The following ZFHX3 variants were observed in gnomAD, a reference collection of about 807,000 sequenced individuals.
ZFHX3 encodes the protein zinc finger homeobox 3.
In ZFHX3, 42 loss-of-function variants were observed where a neutral mutation model predicts 279.1. The observed-to-expected ratio is 0.15, with a 90% CI of 0.12 to 0.19. The LOEUF is 0.19. Among genes scored for constraint, ZFHX3 ranks in the 10% least tolerant of loss-of-function variants. ZFHX3 has a pLI of 1.00. For synonymous variants in ZFHX3, 2,293 were observed against 1,957.8 expected (o/e 1.17, Z -4.52); for missense variants, 4,981 against 4,754.0 (o/e 1.05, Z -1.40).
rs1462207352 is a variant in ZFHX3, at chr16:72,786,132, C to T, written c.*1032G>A. On this transcript the variant is annotated 3_prime_UTR_variant, in exon 10 of 10. Transcript: ENST00000268489. ...GAATTAAGGGACAAGGGGAGAAAAGCTTAGGCGAATCAACGGATTGCAATC... is the reference window on the plus strand; with the variant it reads ...GAATTAAGGGACAAGGGGAGAAAAGTTTAGGCGAATCAACGGATTGCAATC... 6.6e-6 allele frequency: 1 copy of T among 152,126 alleles called. No individual in the cohort carries two copies. Among genetic ancestry groups the T allele is most frequent in the Non-Finnish European group, 1.5e-5 (1 of 68,030 alleles). 9.4% of individuals were successfully genotyped at this position (152,126 alleles called of 1,614,324 possible). A position where few individuals can be genotyped will look rare whatever the true frequency, so the allele number is the denominator to read the frequency against.
At chr16:73,535,513 A>G (rs2019883905) in intron 2 of ZFHX3, among the ~76,000 whole-genome samples, 1 of 152,130 alleles carries the variant, frequency 6.6e-6, no homozygotes, top group Non-Finnish European at 1.5e-5. Flanking sequence ...ACATTGCTGG[A>G]GTATGAAGTT....
intron 7 of ZFHX3, chr16:73,094,432 T>A (rs931290214): frequency 1.3e-5 from 2 of 152,080 alleles, no homozygotes; most frequent in Admixed American, 1.3e-4. Context: ...GTCTGTCCCC[T>A]CCCTTAGATT....
intron 2 of ZFHX3, among the ~76,000 whole-genome samples, chr16:73,536,286 A>G (rs76705340): frequency 0.021 from 3,261 of 152,362 alleles, 113 homozygotes; most frequent in African/African-American, 0.075. Flanking sequence ...ATCAGAAAAA[A>G]TATAATTTTA....
intron 4 of ZFHX3, among the ~76,000 whole-genome samples, chr16:73,291,153 T>A (rs570633745): frequency 6.6e-6 from 1 of 152,206 alleles, no homozygotes; most frequent in Admixed American, 6.5e-5. Flanking sequence ...GTCTGTAGAG[T>A]TATCCCATTC....
At chr16:73,071,596 G>A (rs891961027) in intron 8 of ZFHX3, among the ~76,000 whole-genome samples, 1 of 152,208 alleles carries the variant, frequency 6.6e-6, no homozygotes, top group Non-Finnish European at 1.5e-5. Flanking sequence ...AGAGAGGAGG[G>A]GAGGAGTGGC....
At chr16:73,240,275 T>A (rs1252250296) in intron 5 of ZFHX3, among the ~76,000 whole-genome samples, 2 of 151,750 alleles carry the variant, frequency 1.3e-5, no homozygotes, top group Non-Finnish European at 2.9e-5. Flanking sequence ...CTGGAGTGCA[T>A]GGGTGCCATT....
chr16:73,264,309 C>T (rs139271026), intron 4 of ZFHX3, among the ~76,000 whole-genome samples: 31 of 152,238 alleles, frequency 2.0e-4, no homozygotes, highest in African/African-American at 6.3e-4. Context: ...TATCCGTATT[C>T]ATTTCCAGAA....
intron 7 of ZFHX3, among the ~76,000 whole-genome samples, chr16:73,094,011 G>GC (rs1460160295): frequency 6.6e-6 from 1 of 152,132 alleles, no homozygotes; most frequent in Non-Finnish European, 1.5e-5. Context: ...GGAGCACCTG[G>GC]CAGGGCAAAG....
At chr16:73,480,533 C>T (rs2018847512) in intron 2 of ZFHX3, among the ~76,000 whole-genome samples, 1 of 152,184 alleles carries the variant, frequency 6.6e-6, no homozygotes, top group Non-Finnish European at 1.5e-5. Context: ...CTGCTTTTCT[C>T]CCCAGGTGTG....
At chr16:73,251,406 T>A (rs1241377941) in intron 5 of ZFHX3, among the ~76,000 whole-genome samples, 1 of 152,218 alleles carries the variant, frequency 6.6e-6, no homozygotes, top group Non-Finnish European at 1.5e-5. Context: ...AGCGTGGCTC[T>A]AAATCTGTTA....
intron 1 of ZFHX3, among the ~76,000 whole-genome samples, chr16:73,709,012 C>G (rs187505396): frequency 1.3e-5 from 2 of 152,072 alleles, no homozygotes; most frequent in African/African-American, 2.4e-5. Flanking sequence ...ATCTGTAAAG[C>G]GGCATATTTT....
chr16:73,252,237 CTG>C lies in ZFHX3; in HGVS notation c.-1104+4808_-1104+4809del, dbSNP rs1567431213. Reference sequence around the variant, plus strand: ...AAGCTATGCTTTTAGGAAAATAAAACTGTGATCCATGAGTATGAGGGCCTGGA... The same window carrying C: ...AAGCTATGCTTTTAGGAAAATAAAACTGATCCATGAGTATGAGGGCCTGGA... On this transcript the variant is annotated intron_variant, in intron 5 of 17. Coordinates refer to the ZFHX3 transcript ENST00000641206. Among the ~76,000 whole-genome samples, 2 of 152,130 alleles carry C rather than the reference CTG, an allele frequency of 1.3e-5. 1 individual carries two copies. Among genetic ancestry groups the C allele is most frequent in the South Asian group, 4.1e-4 (2 of 4,832 alleles).
At chr16:73,414,448 G>A (rs1450719430) in intron 3 of ZFHX3, among the ~76,000 whole-genome samples, 3 of 152,186 alleles carry the variant, frequency 2.0e-5, no homozygotes, top group Non-Finnish European at 2.9e-5. Context: ...CTACAAGGTG[G>A]GACAAATTGG....
At chr16:73,215,662 A>G (rs1258075194) in intron 5 of ZFHX3, among the ~76,000 whole-genome samples, 1 of 151,856 alleles carries the variant, frequency 6.6e-6, no homozygotes, top group Non-Finnish European at 1.5e-5. Context: ...TGTTTTCTCC[A>G]CCCCTAGCTT....
chr16:73,133,182 C>T (rs970737246), intron 6 of ZFHX3, among the ~76,000 whole-genome samples: 2 of 152,270 alleles, frequency 1.3e-5, no homozygotes, highest in East Asian at 1.9e-4. Flanking sequence ...GTCCATAACC[C>T]CCAGTATCCC....
intron 1 of ZFHX3, among the ~76,000 whole-genome samples, chr16:73,703,768 C>T (rs1394353208): frequency 6.6e-6 from 1 of 152,120 alleles, no homozygotes; most frequent in Non-Finnish European, 1.5e-5. Flanking sequence ...TAGGAAAGCA[C>T]AGACAGGCAA....
chr16:73,356,924 G>A (rs1331049837), intron 3 of ZFHX3, among the ~76,000 whole-genome samples: 3 of 151,268 alleles, frequency 2.0e-5, no homozygotes, highest in East Asian at 1.9e-4. Context: ...GGAAGCAGCC[G>A]TTAACCAGAG....
At chr16:73,133,624 G>A (rs1043365798) in intron 6 of ZFHX3, among the ~76,000 whole-genome samples, 1 of 152,192 alleles carries the variant, frequency 6.6e-6, no homozygotes, top group Non-Finnish European at 1.5e-5. Flanking sequence ...AGAGGCCTCA[G>A]AAGAAACCAG....
chr16:72,855,028 T>C (rs2037720907), intron 4 of ZFHX3, among the ~76,000 whole-genome samples: 1 of 149,756 alleles, frequency 6.7e-6, no homozygotes, highest in Non-Finnish European at 1.5e-5. Flanking sequence ...GATAGCAAAA[T>C]ACTCTACTGT....
Sources: allele counts gnomAD v4.1 joint callset (sites outside exome capture counted in the v4.1 genomes callset), GRCh38; gene constraint gnomAD v4.1.1; transcripts MANE v1.5; gene names NCBI Gene and HGNC (gene_info 2026-07-23, HGNC 2026-07-21).